Variants in DLGAP2 observed in about 807,000 individuals in gnomAD.
DLGAP2 encodes the protein disks large-associated protein 2.
Under a neutral mutation model 100.3 loss-of-function variants are expected in DLGAP2, and 26 were observed. That is an observed-to-expected ratio of 0.26 (90% CI 0.19 to 0.36). The LOEUF (loss-of-function observed/expected upper bound fraction) is 0.36. Among genes scored for constraint, DLGAP2 ranks in the 10% least tolerant of loss-of-function variants. DLGAP2 has a pLI of 1.00. For missense variants in DLGAP2, 1,858 were observed against 1,453.2 expected, an observed-to-expected ratio of 1.28 and a Z score of -4.53; for synonymous variants, 886 against 630.1, an observed-to-expected ratio of 1.41 and a Z score of -6.08.
At chr8:1,327,102 C>G (rs1372951829) in intron 3 of DLGAP2, among the ~76,000 whole-genome samples, 5 of 152,246 alleles carry the variant, frequency 3.3e-5, no homozygotes, top group Non-Finnish European at 7.3e-5. Flanking sequence ...GCCCAGCCGT[C>G]TCCTGAGAGC....
intron 10 of DLGAP2, among the ~76,000 whole-genome samples, chr8:1,673,853 G>C (rs1222505534): frequency 6.6e-6 from 1 of 152,038 alleles, no homozygotes; most frequent in South Asian, 2.1e-4. Flanking sequence ...ATATATTAGA[G>C]GAAATTTGGA....
chr8:1,505,177 G>T (rs1488822951), intron 4 of DLGAP2, among the ~76,000 whole-genome samples: 1 of 152,160 alleles, frequency 6.6e-6, no homozygotes, highest in Non-Finnish European at 1.5e-5. Flanking sequence ...TGATTTTTAA[G>T]GGATCTTCCC....
At chr8:1,112,972 A>G (rs1805007534) in intron 2 of DLGAP2, among the ~76,000 whole-genome samples, 3 of 152,090 alleles carry the variant, frequency 2.0e-5, no homozygotes, top group South Asian at 2.1e-4. Flanking sequence ...TCTTTTCCCC[A>G]TTAATTATTT....
intron 4 of DLGAP2, among the ~76,000 whole-genome samples, chr8:1,536,205 C>G (rs912350908): frequency 6.6e-6 from 1 of 152,102 alleles, no homozygotes; most frequent in African/African-American, 2.4e-5. Flanking sequence ...CTGGCTGGAA[C>G]TTGGGCACCT....
chr8:931,998 T>G (rs1798969414), intron 2 of DLGAP2, among the ~76,000 whole-genome samples: 1 of 152,190 alleles, frequency 6.6e-6, no homozygotes, highest in East Asian at 1.9e-4. Flanking sequence ...TTGTTAATCT[T>G]TCTTTTATTT....
intron 2 of DLGAP2, among the ~76,000 whole-genome samples, chr8:1,146,450 A>G (rs1253189342): frequency 2.0e-5 from 3 of 152,126 alleles, no homozygotes; most frequent in Non-Finnish European, 2.9e-5. Flanking sequence ...AGGTTCTTAC[A>G]TGTAATTCAG....
intron 1 of DLGAP2, among the ~76,000 whole-genome samples, chr8:904,364 A>G (rs1272641247): frequency 1.3e-5 from 2 of 152,074 alleles, no homozygotes; most frequent in African/African-American, 4.8e-5. Flanking sequence ...TACTAAAAAT[A>G]TAAAAATTAG....
At chr8:1,672,271 G>C (rs1021980868) in intron 10 of DLGAP2, among the ~76,000 whole-genome samples, 1 of 146,926 alleles carries the variant, frequency 6.8e-6, no homozygotes, top group Non-Finnish European at 1.5e-5. Flanking sequence ...CTGTTGCCCA[G>C]GCTGAAGTGC....
At chr8:1,618,372 T>C (rs562769993) in intron 6 of DLGAP2, among the ~76,000 whole-genome samples, 1 of 152,334 alleles carries the variant, frequency 6.6e-6, no homozygotes, top group South Asian at 2.1e-4. Flanking sequence ...CATTGTAGAA[T>C]TGTGGTGCTC....
intron 2 of DLGAP2, among the ~76,000 whole-genome samples, chr8:1,152,155 T>C (rs1796708393): frequency 6.6e-6 from 1 of 152,262 alleles, no homozygotes; most frequent in Non-Finnish European, 1.5e-5. Context: ...ATTTTATTTG[T>C]AGACATTTAT....
intron 4 of DLGAP2, among the ~76,000 whole-genome samples, chr8:1,516,021 A>ATGAGTGAGTGAGTGCATGAATGAG (rs3060447): frequency 6.6e-6 from 1 of 150,576 alleles, no homozygotes; most frequent in African/African-American, 2.4e-5. Context: ...GAGTGCATGA[A>ATGAGTGAGTGAGTGCATGAATGAG]TGAGTGAGTG....
chr8:940,767 A>G (rs137912388), intron 2 of DLGAP2, among the ~76,000 whole-genome samples: 92 of 152,246 alleles, frequency 6.0e-4, no homozygotes, highest in African/African-American at 2.0e-3. Context: ...TTTTGTTCTG[A>G]TCATTATCCA....
At chr8:1,582,214 C>T (rs1267259584) in intron 6 of DLGAP2, among the ~76,000 whole-genome samples, 1 of 141,804 alleles carries the variant, frequency 7.1e-6, no homozygotes, top group African/African-American at 2.9e-5. Context: ...CATGTACACA[C>T]CACAGTCAAA....
intron 2 of DLGAP2, among the ~76,000 whole-genome samples, chr8:986,154 T>C (rs1439746683): frequency 6.6e-6 from 1 of 151,852 alleles, no homozygotes; most frequent in Non-Finnish European, 1.5e-5. Context: ...CACTTATTAG[T>C]AGGGAGTGTG....
chr8:913,458 T>G (rs911317811), intron 2 of DLGAP2, among the ~76,000 whole-genome samples: 1 of 152,256 alleles, frequency 6.6e-6, no homozygotes, highest in South Asian at 2.1e-4. Flanking sequence ...AGTGAGAGTT[T>G]GGCGTGAGCG....
At chr8:954,873 G>A (rs898268547) in intron 2 of DLGAP2, among the ~76,000 whole-genome samples, 3 of 152,142 alleles carry the variant, frequency 2.0e-5, no homozygotes, top group Non-Finnish European at 4.4e-5. Flanking sequence ...AGATGTATAG[G>A]TGTTAGTTTG....
intron 6 of DLGAP2, among the ~76,000 whole-genome samples, chr8:1,583,610 T>G (rs1796019369): frequency 6.6e-6 from 1 of 152,170 alleles, no homozygotes; most frequent in South Asian, 2.1e-4. Flanking sequence ...TCAGAGCCAC[T>G]TCCTGTGTTT....
intron 2 of DLGAP2, among the ~76,000 whole-genome samples, chr8:1,185,742 C>G (rs1215886648): frequency 2.2e-5 from 3 of 135,056 alleles, no homozygotes; most frequent in African/African-American, 9.0e-5. Context: ...CTCACACACA[C>G]ACACTCACAC....
chr8:1,335,603 C>G (rs1488918256), intron 3 of DLGAP2, among the ~76,000 whole-genome samples: 1 of 152,172 alleles, frequency 6.6e-6, no homozygotes, highest in Non-Finnish European at 1.5e-5. Context: ...GTGGAAGTTT[C>G]TGGAAGCAGG....
Sources: gnomAD v4.1 joint callset for allele counts (sites outside exome capture counted in the v4.1 genomes callset) on GRCh38, gnomAD v4.1.1 for gene constraint, MANE v1.5 for transcripts, NCBI Gene and HGNC (gene_info 2026-07-23, HGNC 2026-07-21) for gene names.